API5: variants seen among roughly 807,000 people sequenced by gnomAD.
API5 encodes apoptosis inhibitor 5.
A neutral mutation model predicts 71.9 loss-of-function variants in API5; 6 were observed. The ratio of observed to expected loss-of-function variants is 0.08; its 90% CI spans 0.05 to 0.16. The LOEUF (loss-of-function observed/expected upper bound fraction) is 0.16, where lower values mean the gene tolerates loss of function less well. Ranked by LOEUF, API5 falls within the 10% of genes least tolerant of loss-of-function variation. API5 has a pLI of 1.00. For missense variants in API5, 332 were observed against 612.8 expected (o/e 0.54, Z 4.84); for synonymous variants, 189 against 221.3 (o/e 0.85, Z 1.30).
chr11:43,341,457 G>A (rs1254421565), intron 13 of API5, among the ~76,000 whole-genome samples: 1 of 152,160 alleles, frequency 6.6e-6, no homozygotes, highest in Non-Finnish European at 1.5e-5. Context: ...GGAACTGGAG[G>A]ACTTTATAGT....
intron 1 of API5, among the ~76,000 whole-genome samples, chr11:43,313,061 C>T (rs962333903): frequency 1.3e-5 from 2 of 149,490 alleles, no homozygotes; most frequent in Non-Finnish European, 3.0e-5. Context: ...GAGCCGAGAT[C>T]GCTTCACTGC....
At chr11:43,319,478 C>G (rs1174546767) in intron 2 of API5, among the ~76,000 whole-genome samples, 1 of 152,138 alleles carries the variant, frequency 6.6e-6, no homozygotes, top group African/African-American at 2.4e-5. Flanking sequence ...TTGCCTAGAC[C>G]AGAGTGCAGT....
In API5 at chr11:43,316,779, C is replaced by G. The variant is rs566540048; in HGVS notation, c.70-1861C>G. On this transcript the variant is annotated intron_variant, in intron 1 of 13. Transcript: ENST00000531273. ...AAGTGATTCTCCTCCCTCAGCCTCT[C>G]CAGTAGCTGGGACTGCAAGCACACA... Among the ~76,000 whole-genome samples the G allele has an allele frequency of 2.6e-5, 4 of 152,214 alleles. No individual in the cohort carries two copies. In the South Asian group the frequency reaches 8.3e-4, roughly 32 times the overall value.
At chr11:43,314,633 G>T (rs1156639138) in intron 1 of API5, among the ~76,000 whole-genome samples, 1 of 152,106 alleles carries the variant, frequency 6.6e-6, no homozygotes, top group African/African-American at 2.4e-5. Context: ...TTCTCTGTAG[G>T]TTATGGGTGA....
intron 1 of API5, among the ~76,000 whole-genome samples, chr11:43,315,729 C>A (rs1220987412): frequency 6.6e-6 from 1 of 152,112 alleles, no homozygotes; most frequent in East Asian, 1.9e-4. Flanking sequence ...GCCTTTCCCC[C>A]ACTCTGCCTC....
intron 1 of API5, among the ~76,000 whole-genome samples, chr11:43,314,013 C>T (rs548612805): frequency 6.6e-6 from 1 of 151,828 alleles, no homozygotes; most frequent in African/African-American, 2.4e-5. Flanking sequence ...TGCTTGAACC[C>T]GGAGGGTGGA....
Position 43,335,350 on chromosome 11 carries a change from A to G in API5, c.1351A>G (p.Ile451Val), listed in dbSNP as rs764634342. The G allele has an allele frequency of 1.3e-6, 2 of 1,576,500 alleles. No individual in the cohort carries two copies. Among genetic ancestry groups the G allele is most frequent in the South Asian group, 1.1e-5 (1 of 90,260 alleles). ...CTGGAAACCTGTACAAAAGGTTGAGATTGGGTAAGAAATATATTTAAAAGA... is the reference window on the plus strand; with the variant it reads ...CTGGAAACCTGTACAAAAGGTTGAGGTTGGGTAAGAAATATATTTAAAAGA... ...LSWKPVQKVE[I>V]GQKRASEDTT... The change falls in exon 12 of 14, where the codon ATT (isoleucine) becomes GTT (valine). Residue 451 changes from isoleucine to valine, a missense_variant. Coordinates refer to ENST00000531273, the MANE Select transcript of API5 (RefSeq NM_001142930.2).
intron 13 of API5, among the ~76,000 whole-genome samples, chr11:43,337,196 C>T (rs1855465354): frequency 6.6e-6 from 1 of 151,430 alleles, no homozygotes; most frequent in Non-Finnish European, 1.5e-5. Flanking sequence ...TATGGTGGCA[C>T]GCACTTATAG....
chr11:43,326,174 A>G (rs1025705918), intron 6 of API5, among the ~76,000 whole-genome samples: 1 of 152,238 alleles, frequency 6.6e-6, no homozygotes, highest in African/African-American at 2.4e-5. Context: ...CTGCATTGAC[A>G]TGGTTAAGTT....
chr11:43,338,297 G>GT (rs1275965921), intron 13 of API5, among the ~76,000 whole-genome samples: 1 of 152,076 alleles, frequency 6.6e-6, no homozygotes, highest in Non-Finnish European at 1.5e-5. Flanking sequence ...CAATGTCTCT[G>GT]TTTTTTGCTT....
chr11:43,342,286 A>C (rs1659935691), intron 13 of API5, 142 bp from the exon 14 acceptor site: 2 of 678,550 alleles, frequency 2.9e-6, no homozygotes, highest in Non-Finnish European at 4.9e-6. Flanking sequence ...TACAGGCTAA[A>C]TTTGTAGATT....
intron 13 of API5, 48 bp from the exon 14 acceptor site, chr11:43,342,380 A>G (rs552582299): frequency 4.7e-6 from 7 of 1,500,286 alleles, no homozygotes; most frequent in Non-Finnish European, 6.3e-6. Context: ...CGTTTGCTGC[A>G]CCATGAAATC....
intron 7 of API5, among the ~76,000 whole-genome samples, chr11:43,327,114 GA>G (rs896850795): frequency 2.0e-5 from 3 of 152,166 alleles, no homozygotes; most frequent in African/African-American, 7.2e-5. Context: ...ACTTGATTTT[GA>G]ATCAAGCACC....
At chr11:43,316,316 A>C (rs1403032995) in intron 1 of API5, among the ~76,000 whole-genome samples, 3 of 152,112 alleles carry the variant, frequency 2.0e-5, no homozygotes, top group Admixed American at 2.0e-4. Flanking sequence ...AAATATTGTT[A>C]ATGATTCCTT....
chr11:43,335,718 A>T (rs5743255), intron 12 of API5, 140 bp from the exon 13 acceptor site: 15 of 983,032 alleles, frequency 1.5e-5, no homozygotes, highest in Non-Finnish European at 2.2e-5. Context: ...ATTTGATGAC[A>T]TCAAATGTTA....
In API5 at chr11:43,313,122, G is replaced by A. The variant is rs918474497; in HGVS notation, c.69+926G>A. Among the ~76,000 whole-genome samples, 105 of 144,124 alleles carry A rather than the reference G, an allele frequency of 7.3e-4. 1 individual carries two copies. The highest frequency in any genetic ancestry group is 1.1e-3 in the Non-Finnish European group (72 of 64,834). 94.6% of individuals were successfully genotyped at this position (144,124 alleles called of 152,430 possible). A position where few individuals can be genotyped will look rare whatever the true frequency, so the allele number is the denominator to read the frequency against. On this transcript the variant is annotated intron_variant, in intron 1 of 13. Transcript: ENST00000531273. Reference sequence around the variant, plus strand: ...ACCCCGTCTCAAAAAAAAAAAAAAAGGTTTTTTTTAAAAATTTATTCTTTT... The same window carrying A: ...ACCCCGTCTCAAAAAAAAAAAAAAAAGTTTTTTTTAAAAATTTATTCTTTT...
chr11:43,323,739 T>C, intron 6 of API5, 103 bp downstream of exon 6: 1 of 1,078,608 alleles, frequency 9.3e-7, no homozygotes, highest in Non-Finnish European at 1.3e-6. Flanking sequence ...GTCCCTTATC[T>C]GAAATGCTTG....
chr11:43,326,448 TATA>T, intron 6 of API5, 56 bp from the exon 7 acceptor site: 1 of 1,068,192 alleles, frequency 9.4e-7, no homozygotes, highest in Non-Finnish European at 1.4e-6. Flanking sequence ...GAAATTCTGC[TATA>T]ATATTTGAGC....
At position 43,335,881 on chromosome 11, in the gene API5, C is replaced by T. The variant is rs772388129; in HGVS notation, c.1379C>T (p.Thr460Ile). Reference sequence around the variant, plus strand: ...AGGCAAAAGAGAGCCAGTGAAGATACAACTTCAGGTTCACCACCCAAGAAA... The same window carrying T: ...AGGCAAAAGAGAGCCAGTGAAGATATAACTTCAGGTTCACCACCCAAGAAA... ...EIGQKRASED[T>I]TSGSPPKKSS... The change falls in exon 13 of 14, where the codon ACA becomes ATA. Residue 460 changes from threonine to isoleucine, a missense_variant. Physicochemically the swap from Thr to Ile is moderately conservative, Grantham distance 89. Around this residue, in one of 3 missense-constraint regions of API5, gnomAD observed 168 missense variants for 343.9 expected, o/e 0.49. Transcript: ENST00000531273. The T allele has an allele frequency of 1.9e-6, 3 of 1,611,100 alleles. No individual in the cohort carries two copies. The Admixed American group carries it at 5.1e-5, about 27-fold the overall frequency.
Sources: gnomAD v4.1 joint callset for allele counts (sites outside exome capture counted in the v4.1 genomes callset) on GRCh38, gnomAD v4.1.1 for gene constraint, gnomAD v4.1.1 regional missense constraint, MANE v1.5 for transcripts, NCBI Gene and HGNC (gene_info 2026-07-23, HGNC 2026-07-21) for gene names.